Variants in IPO7 observed in about 807,000 individuals in gnomAD.
The protein encoded by IPO7 is importin 7, also known as importin-7.
In IPO7, 13 loss-of-function variants were observed where a neutral mutation model predicts 136.4. The ratio of observed to expected loss-of-function variants is 0.10; its 90% CI spans 0.06 to 0.15. The LOEUF is 0.15. Ranked by LOEUF, IPO7 falls within the 10% of genes least tolerant of loss-of-function variation. The probability of loss-of-function intolerance (pLI) is 1.00; values close to 1 mark genes in which losing one functional copy is unlikely to be tolerated. For missense variants in IPO7, 857 were observed against 1,240.6 expected, an observed-to-expected ratio of 0.69 and a Z score of 4.65; for synonymous variants, 403 against 404.4, an observed-to-expected ratio of 1.00 and a Z score of 0.04.
chr11:9,401,440 C>G (rs1854794200), intron 1 of IPO7, among the ~76,000 whole-genome samples: 2 of 152,006 alleles, frequency 1.3e-5, no homozygotes, highest in Admixed American at 1.3e-4. Flanking sequence ...TGCCTGTGAT[C>G]CCAGCACTTT....
intron 1 of IPO7, chr11:9,402,851 CAAA>C (rs570129815): frequency 2.6e-4 from 33 of 125,592 alleles, no homozygotes; most frequent in South Asian, 4.5e-4. Context: ...AAGACTGTCT[CAAA>C]AAAAAAAAAA....
chr11:9,432,226 G>A (rs2133758639), intron 16 of IPO7, among the ~76,000 whole-genome samples: 1 of 142,860 alleles, frequency 7.0e-6, no homozygotes, highest in Middle Eastern at 3.6e-3. Flanking sequence ...TTTTGAGACA[G>A]AGTCTCCCTT....
At chr11:9,409,089 C>G (rs1393762346) in intron 3 of IPO7, among the ~76,000 whole-genome samples, 1 of 150,414 alleles carries the variant, frequency 6.6e-6, no homozygotes, top group Non-Finnish European at 1.5e-5. Context: ...CCAACAGATG[C>G]TGTTGTAGGA....
At chr11:9,419,467 G>A (rs1413558393) in intron 6 of IPO7, among the ~76,000 whole-genome samples, 2 of 149,722 alleles carry the variant, frequency 1.3e-5, no homozygotes, top group Non-Finnish European at 3.0e-5. Context: ...AGAATCACTT[G>A]AACCAGGGAG....
At chr11:9,443,591 C>CAAA (rs55819044) in intron 24 of IPO7, among the ~76,000 whole-genome samples, 3 of 69,486 alleles carry the variant, frequency 4.3e-5, no homozygotes, top group Admixed American at 1.7e-4. Flanking sequence ...AACTCCGTCT[C>CAAA]AAAAAAAAAA....
At chr11:9,405,570 G>A (rs1053515562) in intron 2 of IPO7, among the ~76,000 whole-genome samples, 1 of 152,164 alleles carries the variant, frequency 6.6e-6, no homozygotes, top group South Asian at 2.1e-4. Flanking sequence ...CTGTAGGCAC[G>A]TACCATCATG....
Position 9,431,018 on chromosome 11 carries a change from T to C in IPO7, c.1881+15T>C. 5 of 1,608,382 alleles carry C rather than the reference T, an allele frequency of 3.1e-6. No homozygotes were observed. Among genetic ancestry groups the C allele is most frequent in the Non-Finnish European group, 4.3e-6 (5 of 1,175,628 alleles). ...ATCATAAAGAGGTAAGAAGATGATC[T>C]AGTGTTGCAGTTTTTCAAGCCATTT... On this transcript the variant is annotated intron_variant, in intron 16 of 24. Transcript: ENST00000379719.
At chr11:9,415,360 AC>A (rs1855025907) in intron 5 of IPO7, among the ~76,000 whole-genome samples, 1 of 152,016 alleles carries the variant, frequency 6.6e-6, no homozygotes, top group Admixed American at 6.6e-5. Flanking sequence ...AAAACCAGTT[AC>A]TTGATTACAG....
At position 9,410,024 on chromosome 11, in the gene IPO7, C is replaced by G. The variant is rs144587793; in HGVS notation, c.417C>G (p.Ser139=). 8 of 1,604,716 alleles carry G rather than the reference C, an allele frequency of 5.0e-6. No homozygotes were observed. Among genetic ancestry groups the G allele is most frequent in the Non-Finnish European group, 6.8e-6 (8 of 1,176,480 alleles). The change falls in exon 4 of 25, where the codon TCC becomes TCG. Residue 139 remains serine (S), a synonymous_variant. Transcript: ENST00000379719. ...IVDKIGFYLQ[S]DNSACWLGIL... is the part of the protein sequence containing the mutation. Reference sequence around the variant, plus strand: ...ACAAAATTGGCTTTTATCTTCAGTCCGATAACAGTGCTTGTTGGCTAGGAA... The same window carrying G: ...ACAAAATTGGCTTTTATCTTCAGTCGGATAACAGTGCTTGTTGGCTAGGAA...
rs1387640820 is a variant in IPO7 at position 9,414,189 on chromosome 11, A to G, written c.480-66A>G. Reference sequence around the variant, plus strand: ...ATTATATTTGTGTAAATAAATGCATAGTTTAAATATATATACAATTGTGGA... The same window carrying G: ...ATTATATTTGTGTAAATAAATGCATGGTTTAAATATATATACAATTGTGGA... On this transcript the variant is annotated intron_variant, in intron 4 of 24. Transcript: ENST00000379719. 5 of 1,135,770 alleles carry G rather than the reference A, an allele frequency of 4.4e-6. No homozygotes were observed. In the South Asian group the frequency reaches 5.4e-5, roughly 12 times the overall value. 70.4% of individuals were successfully genotyped at this position (1,135,770 alleles called of 1,614,324 possible).
At chr11:9,416,464 A>T (rs1855043848) in intron 5 of IPO7, among the ~76,000 whole-genome samples, 1 of 152,240 alleles carries the variant, frequency 6.6e-6, no homozygotes, top group Non-Finnish European at 1.5e-5. Context: ...CATAGGGAAT[A>T]GGACAAAATA....
intron 9 of IPO7, 22 bp downstream of exon 9, chr11:9,423,162 G>GTTT (rs1157126401): frequency 2.7e-6 from 4 of 1,478,666 alleles, no homozygotes; most frequent in East Asian, 2.3e-5. Context: ...TATCTGAAAT[G>GTTT]TTTTTATAGT....
At chr11:9,393,910 GTC>G (rs764162609) in intron 1 of IPO7, among the ~76,000 whole-genome samples, 1 of 152,060 alleles carries the variant, frequency 6.6e-6, no homozygotes, top group Non-Finnish European at 1.5e-5. Flanking sequence ...TTTTGAGACA[GTC>G]TCTCTCTGTC....
intron 24 of IPO7, among the ~76,000 whole-genome samples, chr11:9,442,614 T>C (rs564233883): frequency 2.0e-5 from 3 of 152,172 alleles, no homozygotes; most frequent in South Asian, 2.1e-4. Flanking sequence ...AGGGTTTCAC[T>C]GTGTTAGCCA....
chr11:9,428,716 A>C, intron 13 of IPO7, 87 bp downstream of exon 13: 1 of 825,638 alleles, frequency 1.2e-6, no homozygotes, highest in Admixed American at 1.7e-5. Flanking sequence ...TTAAATGTTC[A>C]CTTTGAAGCC....
Position 9,389,637 on chromosome 11 carries a change from CTT to C in IPO7, c.84+4792_84+4793del, listed in dbSNP as rs79178864. Among the ~76,000 whole-genome samples, 120 of 152,308 alleles carry C rather than the reference CTT, an allele frequency of 7.9e-4. 1 individual carries two copies. The East Asian group carries it at 0.017, about 22-fold the overall frequency. On this transcript the variant is annotated intron_variant, in intron 1 of 24. Transcript: ENST00000379719. ...TGGATATGATCTCCGCATCAATAGT[CTT>C]TCCCCTGTTATATTCGCAGTCAAGA...
chr11:9,444,802 A>C lies in IPO7; in HGVS notation c.3020-295A>C, dbSNP rs1016883731. Among the ~76,000 whole-genome samples the C allele has an allele frequency of 1.2e-4, 17 of 142,636 alleles. 1 individual carries two copies. Among genetic ancestry groups the C allele is most frequent in the Admixed American group, 3.0e-4 (4 of 13,226 alleles). The allele number at this position is 142,636 out of a possible 152,430, so 93.6% of individuals were successfully genotyped here. A position where few individuals can be genotyped will look rare whatever the true frequency, so the allele number is the denominator to read the frequency against. Reference sequence around the variant, plus strand: ...CAGTGAGCCAAGATCGTGCCGCTGCACTCCAGCCTGGGTGACAGAGCCAGA... The same window carrying C: ...CAGTGAGCCAAGATCGTGCCGCTGCCCTCCAGCCTGGGTGACAGAGCCAGA... On this transcript the variant is annotated intron_variant, in intron 24 of 24. Transcript: ENST00000379719.
chr11:9,397,439 C>T (rs1854731940), intron 1 of IPO7, among the ~76,000 whole-genome samples: 2 of 146,112 alleles, frequency 1.4e-5, no homozygotes, highest in Admixed American at 7.1e-5. Flanking sequence ...CTATGTTGCT[C>T]AGGCTGGTCT....
chr11:9,439,617 C>T (rs761738629), intron 22 of IPO7, among the ~76,000 whole-genome samples: 26 of 151,634 alleles, frequency 1.7e-4, no homozygotes, highest in Non-Finnish European at 3.5e-4. Flanking sequence ...CTCGTTCTGT[C>T]GCCAAGCTGG....
Sources: gnomAD v4.1 joint callset for allele counts (sites outside exome capture counted in the v4.1 genomes callset) on GRCh38, gnomAD v4.1.1 for gene constraint, MANE v1.5 for transcripts, NCBI Gene and HGNC (gene_info 2026-07-23, HGNC 2026-07-21) for gene names.